ARHGAP26: variants seen among roughly 807,000 people sequenced by gnomAD.
ARHGAP26 encodes Rho GTPase activating protein 26, also known as rho GTPase-activating protein 26.
ARHGAP26 carries 38 observed loss-of-function variants against 104.8 expected under a neutral mutation model. The ratio of observed to expected loss-of-function variants is 0.36; its 90% confidence interval spans 0.28 to 0.48. ARHGAP26 has a LOEUF of 0.48. ARHGAP26 is among the 20% of genes least tolerant of loss of function. ARHGAP26 has a pLI of 0.99. For synonymous variants in ARHGAP26, 341 were observed against 340.0 expected (o/e 1.00, Z -0.03); for missense variants, 704 against 947.9 (o/e 0.74, Z 3.38).
intron 20 of ARHGAP26, among the ~76,000 whole-genome samples, chr5:143,189,658 A>G (rs1172783456): frequency 6.6e-6 from 1 of 152,224 alleles, no homozygotes; most frequent in Non-Finnish European, 1.5e-5. Context: ...TATAAAGTGT[A>G]TACCTGCCTT....
At chr5:143,043,447 A>G (rs1270408358) in intron 14 of ARHGAP26, among the ~76,000 whole-genome samples, 1 of 152,130 alleles carries the variant, frequency 6.6e-6, no homozygotes, top group Non-Finnish European at 1.5e-5. Flanking sequence ...CCATTCATTT[A>G]TTGAAGGGCA....
intron 17 of ARHGAP26, among the ~76,000 whole-genome samples, chr5:143,094,907 A>G (rs535204838): frequency 6.6e-6 from 1 of 152,194 alleles, no homozygotes; most frequent in South Asian, 2.1e-4. Context: ...AGGTAATCAA[A>G]AAAGGTTGCT....
chr5:143,075,589 A>G (rs1201655276), intron 17 of ARHGAP26, among the ~76,000 whole-genome samples: 1 of 152,188 alleles, frequency 6.6e-6, no homozygotes, highest in African/African-American at 2.4e-5. Flanking sequence ...AGGGATTTCT[A>G]TTTTTAATAA....
intron 11 of ARHGAP26, among the ~76,000 whole-genome samples, chr5:142,982,674 C>T (rs553884995): frequency 1.8e-4 from 28 of 152,182 alleles, no homozygotes; most frequent in Admixed American, 1.3e-3. Flanking sequence ...GTATACCTTT[C>T]TTCTTGAGAG....
At chr5:142,857,746 G>A (rs1254246554) in intron 1 of ARHGAP26, among the ~76,000 whole-genome samples, 3 of 152,068 alleles carry the variant, frequency 2.0e-5, no homozygotes, top group East Asian at 1.9e-4. Context: ...CCGGGTCTTC[G>A]GGACATCACT....
intron 12 of ARHGAP26, among the ~76,000 whole-genome samples, chr5:143,017,593 T>A (rs1779764142): frequency 6.6e-6 from 1 of 152,226 alleles, no homozygotes; most frequent in Admixed American, 6.5e-5. Context: ...TCTTCCTGTG[T>A]TCTTGATAAA....
intron 11 of ARHGAP26, among the ~76,000 whole-genome samples, chr5:142,948,826 C>T (rs973371169): frequency 1.3e-5 from 2 of 152,170 alleles, no homozygotes; most frequent in South Asian, 4.2e-4. Context: ...TTAAACAGGT[C>T]GGGTACGGTG....
rs1056957237 is a variant in ARHGAP26 at position 143,058,002 on chromosome 5, C to G, written c.1538+255C>G. On this transcript the variant is annotated intron_variant, in intron 17 of 22. Transcript: ENST00000645722. ...AGCAGAGTTTTCAGGGGGATTTTAC[C>G]TATGGTGATCAAGGGCAAATTGGAG... The G allele has an allele frequency of 4.7e-6, 3 of 634,640 alleles. No homozygotes were observed. In the African/African-American group the frequency reaches 5.4e-5, roughly 11 times the overall value. 39.3% of individuals were successfully genotyped at this position (634,640 alleles called of 1,614,324 possible).
intron 17 of ARHGAP26, among the ~76,000 whole-genome samples, chr5:143,088,912 CAG>C (rs1482072533): frequency 2.0e-5 from 3 of 151,906 alleles, no homozygotes; most frequent in South Asian, 2.1e-4. Flanking sequence ...CGGAATGAGT[CAG>C]GGGGTAGCAG....
At chr5:142,963,803 A>G (rs1256716034) in intron 11 of ARHGAP26, among the ~76,000 whole-genome samples, 1 of 152,184 alleles carries the variant, frequency 6.6e-6, no homozygotes, top group Non-Finnish European at 1.5e-5. Flanking sequence ...TCCCTCCTTT[A>G]GAATGGCATT....
At chr5:142,889,348 C>T (rs997391836) in intron 5 of ARHGAP26, among the ~76,000 whole-genome samples, 1 of 152,200 alleles carries the variant, frequency 6.6e-6, no homozygotes, top group African/African-American at 2.4e-5. Flanking sequence ...CACGGTGGCT[C>T]ATGCCTGTAA....
At chr5:142,931,766 G>A (rs951575879) in intron 10 of ARHGAP26, among the ~76,000 whole-genome samples, 7 of 152,244 alleles carry the variant, frequency 4.6e-5, no homozygotes, top group African/African-American at 1.4e-4. Flanking sequence ...ATTGAACAAC[G>A]TCTAAAGGCA....
At chr5:142,864,927 C>T (rs937754466) in intron 1 of ARHGAP26, among the ~76,000 whole-genome samples, 18 of 152,236 alleles carry the variant, frequency 1.2e-4, no homozygotes, top group Non-Finnish European at 2.2e-4. Flanking sequence ...ATTACCTTCC[C>T]CTTGCCCCGT....
In ARHGAP26 at chr5:142,980,294, C is replaced by T. The variant is rs186275318; in HGVS notation, c.1108-33786C>T. Among the ~76,000 whole-genome samples, 259 of 152,122 alleles carry T rather than the reference C, an allele frequency of 1.7e-3. 1 individual carries two copies. The highest frequency in any genetic ancestry group is 4.7e-3 in the African/African-American group (193 of 41,502). Reference sequence around the variant, plus strand: ...AACATATCACTAATTATTCATTCTTCGATTGAACAATGGATTGTTTGTAAA... The same window carrying T: ...AACATATCACTAATTATTCATTCTTTGATTGAACAATGGATTGTTTGTAAA... On this transcript the variant is annotated intron_variant, in intron 11 of 22. Transcript: ENST00000645722.
At chr5:142,816,737 T>C (rs1387742316) in intron 1 of ARHGAP26, among the ~76,000 whole-genome samples, 1 of 152,222 alleles carries the variant, frequency 6.6e-6, no homozygotes, top group East Asian at 1.9e-4. Context: ...AGCCACATTG[T>C]GGCAGGCCTT....
chr5:143,007,801 C>T (rs1416722351), intron 11 of ARHGAP26, among the ~76,000 whole-genome samples: 1 of 125,892 alleles, frequency 7.9e-6, no homozygotes, highest in Non-Finnish European at 1.8e-5. Context: ...TGGTTGGTGG[C>T]AGGTGGCTAT....
chr5:142,826,167 T>C (rs1164681743), intron 1 of ARHGAP26, among the ~76,000 whole-genome samples: 2 of 152,226 alleles, frequency 1.3e-5, no homozygotes, highest in African/African-American at 4.8e-5. Flanking sequence ...TGTGATCAAA[T>C]TGTCTTTTAT....
intron 17 of ARHGAP26, among the ~76,000 whole-genome samples, chr5:143,063,766 C>T (rs1337965084): frequency 6.6e-5 from 10 of 152,238 alleles, no homozygotes; most frequent in African/African-American, 2.4e-4. Flanking sequence ...CTAGCTTCAG[C>T]TCAAATGTCA....
intron 17 of ARHGAP26, among the ~76,000 whole-genome samples, chr5:143,076,906 T>G (rs912284884): frequency 5.9e-5 from 4 of 67,702 alleles, no homozygotes; most frequent in Non-Finnish European, 9.9e-5. Flanking sequence ...CTTAGAGTTG[T>G]TTCTAAAGTT....
Sources: gnomAD v4.1 joint callset for allele counts (sites outside exome capture counted in the v4.1 genomes callset) on GRCh38, gnomAD v4.1.1 for gene constraint, MANE v1.5 for transcripts, NCBI Gene and HGNC (gene_info 2026-07-23, HGNC 2026-07-21) for gene names.